The following XPO5 variants were observed in gnomAD, a reference collection of about 807,000 sequenced individuals.
The protein encoded by XPO5 is exportin-5.
Under a neutral mutation model 160.6 loss-of-function variants are expected in XPO5, and 46 were observed. The observed-to-expected ratio is 0.29, with a 90% CI of 0.23 to 0.37. The LOEUF (loss-of-function observed/expected upper bound fraction) is 0.37. Ranked by LOEUF, XPO5 falls within the 10% of genes least tolerant of loss-of-function variation. The probability of loss-of-function intolerance (pLI) is 1.00; values close to 1 mark genes in which losing one functional copy is unlikely to be tolerated. For missense variants in XPO5, 1,090 were observed against 1,463.9 expected, an observed-to-expected ratio of 0.74 and a Z score of 4.17; for synonymous variants, 537 against 519.3, an observed-to-expected ratio of 1.03 and a Z score of -0.46.
chr6:43,551,224 C>G, intron 15 of XPO5, 74 bp downstream of exon 15: 1 of 1,411,624 alleles, frequency 7.1e-7, no homozygotes, highest in Non-Finnish European at 9.3e-7. Flanking sequence ...GATCCTGTCT[C>G]CAAAAAAATA....
rs373023684 is a variant in XPO5, at chr6:43,575,876, C to T, written c.-12G>A. The T allele has an allele frequency of 6.2e-7, 1 of 1,613,156 alleles. No homozygotes were observed. The highest frequency in any genetic ancestry group is 8.5e-7 in the Non-Finnish European group (1 of 1,179,482). The stretch of plus-strand genomic sequence containing the variant: ...TGATCCATCGCCATGCCTAGCGCCA[C>T]GCGCCGAGAGCGCACACCACTGCAG... On this transcript the variant is annotated 5_prime_UTR_variant, in exon 1 of 32. In the 5' UTR this introduces an upstream ATG that the reference lacks. Transcript: ENST00000265351.
At chr6:43,571,939 G>A (rs1240290042) in intron 3 of XPO5, among the ~76,000 whole-genome samples, 1 of 152,098 alleles carries the variant, frequency 6.6e-6, no homozygotes, top group Non-Finnish European at 1.5e-5. Flanking sequence ...ATCTAATTTA[G>A]ATCTAAGAAT....
intron 1 of XPO5, among the ~76,000 whole-genome samples, chr6:43,575,091 C>T (rs1215889255): frequency 6.6e-6 from 1 of 152,296 alleles, no homozygotes; most frequent in Non-Finnish European, 1.5e-5. Context: ...GCATTCGGGT[C>T]TCACGCAAAC....
chr6:43,531,507 G>A lies in XPO5; in HGVS notation c.2512C>T (p.Arg838Cys), dbSNP rs369532837. The A allele has an allele frequency of 3.1e-5, 50 of 1,613,926 alleles. No individual in the cohort carries two copies. Among genetic ancestry groups the A allele is most frequent in the Non-Finnish European group, 4.1e-5 (48 of 1,179,830 alleles). The change falls in exon 22 of 32, where the codon CGT becomes TGT. Residue 838 changes from arginine (R) to cysteine (C), a missense_variant. Arg to Cys is a radical substitution (Grantham distance 180). Coordinates refer to ENST00000265351, the MANE Select transcript of XPO5 (RefSeq NM_020750.3). ...TTTTCATAGAGGGTAGAGAAGAAACGCTGCATTCTTTCCAAGACGGTTTTG... is the reference window on the plus strand; with the variant it reads ...TTTTCATAGAGGGTAGAGAAGAAACACTGCATTCTTTCCAAGACGGTTTTG... Reference protein sequence around the residue: ...VFKTVLERMQRFFSTLYENCF... With the variant: ...VFKTVLERMQCFFSTLYENCF...
chr6:43,568,772 G>C, intron 5 of XPO5, 35 bp from the exon 6 acceptor site: 11 of 1,543,902 alleles, frequency 7.1e-6, no homozygotes, highest in Non-Finnish European at 9.6e-6. Context: ...TGTTTTTAAT[G>C]AGCAAAAGGC....
chr6:43,533,946 C>T lies in XPO5; in HGVS notation c.2404G>A (p.Ala802Thr). ...LAKMAEPFTKALDMLDAEKSA... is the reference protein window; with the variant it reads ...LAKMAEPFTKTLDMLDAEKSA... ...TTTTCCGCGTCAAGCATATCCAGAG[C>T]CTTGGTGAAAGGCTCTGCCATTTTG... The change falls in exon 21 of 32, where the codon GCT (alanine) becomes ACT (threonine). Residue 802 changes from alanine (A) to threonine (T), a missense_variant. Coordinates refer to ENST00000265351, the MANE Select transcript of XPO5 (RefSeq NM_020750.3). 1 of 1,607,402 alleles carries T rather than the reference C, an allele frequency of 6.2e-7. No homozygotes were observed.
At chr6:43,536,902 T>C (rs112387229) in intron 20 of XPO5, among the ~76,000 whole-genome samples, 4,938 of 151,510 alleles carry the variant, frequency 0.033, 254 homozygotes, top group African/African-American at 0.11. Flanking sequence ...ATGGTGTCTG[T>C]CCTCGACAAC....
chr6:43,566,636 T>A, intron 7 of XPO5: 1 of 425,660 alleles, frequency 2.3e-6, no homozygotes, highest in South Asian at 1.7e-5. Flanking sequence ...TGGCAAAACC[T>A]CATCTCTACT....
At chr6:43,538,763 A>C (rs1794506123) in intron 20 of XPO5, 2 of 620,740 alleles carry the variant, frequency 3.2e-6, no homozygotes. Flanking sequence ...ATGGAGCACT[A>C]CATTTTTCTT....
rs748276019 is a variant in XPO5 at position 43,573,561 on chromosome 6, G to A, written c.146C>T (p.Pro49Leu). The change falls in exon 2 of 32, where the codon CCC (proline) becomes CTC (leucine). Residue 49 changes from proline to leucine, a missense_variant. By Grantham distance (98) the Pro-to-Leu change is moderately conservative. Transcript: ENST00000265351. ...TTTCTCAGCCAACCTCAAGCCACAG[G>A]GGACACAGATAGGACACTTTTCTTT... ...EFKEKCPICV[P>L]CGLRLAEKTQ... 1 of 1,613,664 alleles carries A rather than the reference G, an allele frequency of 6.2e-7. No homozygotes were observed. Among genetic ancestry groups the A allele is most frequent in the Non-Finnish European group, 8.5e-7 (1 of 1,179,734 alleles).
chr6:43,569,627 G>T (rs1036188692), intron 5 of XPO5, among the ~76,000 whole-genome samples: 2 of 151,890 alleles, frequency 1.3e-5, no homozygotes, highest in African/African-American at 4.8e-5. Context: ...CAGCTACCCG[G>T]GAGGCTGAGG....
intron 27 of XPO5, 98 bp downstream of exon 27, chr6:43,526,587 C>G (rs1793607376): frequency 1.5e-6 from 2 of 1,376,070 alleles, no homozygotes; most frequent in Non-Finnish European, 2.0e-6. Context: ...TGTAGGGTGT[C>G]TTCTCCTCAC....
intron 5 of XPO5, among the ~76,000 whole-genome samples, chr6:43,569,166 C>G (rs1762855763): frequency 6.6e-6 from 1 of 151,978 alleles, no homozygotes; most frequent in African/African-American, 2.4e-5. Flanking sequence ...CTGGCGCATG[C>G]CTGTAATCCC....
At chr6:43,553,595 G>C in intron 13 of XPO5, 92 bp from the exon 14 acceptor site, 1 of 1,471,726 alleles carries the variant, frequency 6.8e-7, no homozygotes, top group Non-Finnish European at 9.0e-7. Flanking sequence ...AGACAATGGA[G>C]CCTTAGAGAA....
At position 43,562,273 on chromosome 6, in the gene XPO5, G is replaced by A. The variant is rs749059398; in HGVS notation, c.985C>T (p.Leu329=). The A allele has an allele frequency of 1.8e-5, 29 of 1,608,242 alleles. No homozygotes were observed. In the African/African-American group the frequency reaches 3.3e-4, roughly 19 times the overall value. Residue 329 remains leucine, a synonymous_variant, in exon 9 of 32, where the codon CTG becomes TTG. Coordinates refer to ENST00000265351, the MANE Select transcript of XPO5 (RefSeq NM_020750.3). ...AGCAATGCACACAGCTGATTGCCCA[G>A]CGCACACAACACCTGACAGAGCCTC... ...LKRLCQVLCA[L]GNQLCALLGA... is the part of the protein sequence containing the mutation.
At position 43,522,883 on chromosome 6, in the gene XPO5, A is replaced by G. The variant is rs779590543; in HGVS notation, c.*985T>C. On this transcript the variant is annotated 3_prime_UTR_variant, in exon 32 of 32. Transcript: ENST00000265351. ...TTTCAGTGACCTCTAGAATGGACTC[A>G]CAGTACAGGTTGTGATGTGAAGGCA... 26 of 205,062 alleles carry G rather than the reference A, an allele frequency of 1.3e-4. No individual in the cohort carries two copies. Among genetic ancestry groups the G allele is most frequent in the Non-Finnish European group, 2.5e-4 (22 of 87,546 alleles). The allele number at this position is 205,062 out of a possible 1,614,324, so 12.7% of individuals were successfully genotyped here. A position where few individuals can be genotyped will look rare whatever the true frequency, so the allele number is the denominator to read the frequency against.
At chr6:43,529,784 G>A (rs1004451023) in intron 23 of XPO5, among the ~76,000 whole-genome samples, 1 of 151,664 alleles carries the variant, frequency 6.6e-6, no homozygotes, top group African/African-American at 2.4e-5. Context: ...AGCTGGGTGT[G>A]GTGGTGCGCA....
At position 43,573,107 on chromosome 6, in the gene XPO5, A is replaced by G. The variant is rs77359131; in HGVS notation, c.227+373T>C. ...ACCCAGAGAAGGCACACAAACTCAG[A>G]AAGACAGAGAGAAAAAAGAAAGCCA... On this transcript the variant is annotated intron_variant, in intron 2 of 31. Transcript: ENST00000265351. Among the ~76,000 whole-genome samples, 817 of 152,318 alleles carry G rather than the reference A, an allele frequency of 5.4e-3. 5 individuals carry two copies. The highest frequency in any genetic ancestry group is 7.5e-3 in the Admixed American group (114 of 15,294).
chr6:43,525,228 G>T lies in XPO5; in HGVS notation c.3067-14C>A. 6.4e-7 allele frequency: 1 copy of T among 1,562,286 alleles called. No individual in the cohort carries two copies. The highest frequency in any genetic ancestry group is 2.4e-5 in the East Asian group (1 of 42,346). On this transcript the variant is annotated splice_polypyrimidine_tract_variant and intron_variant, in intron 28 of 31. Transcript: ENST00000265351. ...TGTACAAACATCCTGAACAGGAAAA[G>T]ATGAAGAGTTACAATGGAAAAAGAA...
Sources: gnomAD v4.1 joint callset for allele counts (sites outside exome capture counted in the v4.1 genomes callset) on GRCh38, gnomAD v4.1.1 for gene constraint, MANE v1.5 for transcripts, NCBI Gene and HGNC (gene_info 2026-07-23, HGNC 2026-07-21) for gene names.